Variants in SCN1A observed in about 807,000 individuals in gnomAD.
The protein encoded by SCN1A is sodium voltage-gated channel alpha subunit 1.
In SCN1A, 13 loss-of-function variants were observed where a neutral mutation model predicts 193.7. The observed-to-expected ratio is 0.07, with a 90% confidence interval of 0.04 to 0.11. SCN1A has a LOEUF of 0.11. Among genes scored for constraint, SCN1A ranks in the 10% least tolerant of loss-of-function variants. SCN1A has a pLI of 1.00. For synonymous variants in SCN1A, 781 were observed against 843.6 expected, an observed-to-expected ratio of 0.93 and a Z score of 1.29; for missense variants, 1,432 against 2,451.1, an observed-to-expected ratio of 0.58 and a Z score of 8.78.
At position 166,009,747 on chromosome 2, in the gene SCN1A, C is replaced by T; in HGVS notation, c.3974G>A (p.Arg1325Lys). 1.2e-6 allele frequency: 2 copies of T among 1,606,642 alleles called. No individual in the cohort carries two copies. Among genetic ancestry groups the T allele is most frequent in the Non-Finnish European group, 8.5e-7 (1 of 1,174,872 alleles). ...LRTLRALRPLRALSRFEGMRV... is the reference protein window; with the variant it reads ...LRTLRALRPLKALSRFEGMRV... ...CATCCCTTCAAATCGAGATAAGGCTCTTAGAGGTCTCAGAGCTCTTAGTGT... is the reference window on the plus strand; with the variant it reads ...CATCCCTTCAAATCGAGATAAGGCTTTTAGAGGTCTCAGAGCTCTTAGTGT... Residue 1325 changes from arginine to lysine, a missense_variant, in exon 23 of 29, where the codon AGA becomes AAA. By Grantham distance (26) the Arg-to-Lys change is conservative (BLOSUM62 2). Coordinates refer to ENST00000674923, the MANE Select transcript of SCN1A (RefSeq NM_001165963.4).
intron 2 of SCN1A, among the ~76,000 whole-genome samples, chr2:166,107,565 C>T (rs1406651369): frequency 2.6e-5 from 4 of 151,526 alleles, no homozygotes; most frequent in Non-Finnish European, 5.9e-5. Context: ...TGATCACATA[C>T]TTTTCTTAAT....
At chr2:166,058,816 C>T in intron 4 of SCN1A, 128 bp from the exon 5 acceptor site, 1 of 655,636 alleles carries the variant, frequency 1.5e-6, no homozygotes, top group Non-Finnish European at 2.8e-6. Context: ...ATCACAATTT[C>T]TAAAGTGCCC....
intron 1 of SCN1A, among the ~76,000 whole-genome samples, chr2:166,144,851 T>C (rs1692239333): frequency 1.1e-5 from 1 of 94,224 alleles, no homozygotes; most frequent in South Asian, 3.7e-4. Context: ...GAAAGGATCA[T>C]GGTTTTTTTT....
intron 2 of SCN1A, among the ~76,000 whole-genome samples, chr2:166,082,194 T>C (rs1229681223): frequency 6.6e-6 from 1 of 151,888 alleles, no homozygotes; most frequent in East Asian, 1.9e-4. Flanking sequence ...TCTCATTTAA[T>C]AGAAAACAAA....
intron 4 of SCN1A, among the ~76,000 whole-genome samples, chr2:166,071,005 G>T (rs367665241): frequency 2.0e-5 from 3 of 152,150 alleles, no homozygotes; most frequent in African/African-American, 7.2e-5. Flanking sequence ...GTGTCTGGGG[G>T]TAGCAAAAGG....
chr2:166,080,701 A>G (rs190141934), intron 2 of SCN1A, among the ~76,000 whole-genome samples: 1 of 152,002 alleles, frequency 6.6e-6, no homozygotes, highest in Admixed American at 6.6e-5. Flanking sequence ...GATTGTAAGA[A>G]AATGAAGTGG....
chr2:166,091,772 C>T (rs1686831471), intron 2 of SCN1A, among the ~76,000 whole-genome samples: 1 of 152,206 alleles, frequency 6.6e-6, no homozygotes, highest in South Asian at 2.1e-4. Context: ...CTTAATGTTT[C>T]TTTCCCCACG....
At chr2:166,086,736 A>G (rs1039679080) in intron 2 of SCN1A, among the ~76,000 whole-genome samples, 1 of 152,152 alleles carries the variant, frequency 6.6e-6, no homozygotes, top group African/African-American at 2.4e-5. Context: ...ATAAACGTCT[A>G]CTTAAGTTTG....
At chr2:166,044,912 G>T in intron 13 of SCN1A, 131 bp downstream of exon 13, 1 of 967,364 alleles carries the variant, frequency 1.0e-6, no homozygotes, top group Non-Finnish European at 1.6e-6. Flanking sequence ...GTGAAGAAGG[G>T]ATGGGTTTAA....
intron 19 of SCN1A, among the ~76,000 whole-genome samples, chr2:166,017,202 C>A (rs1232016248): frequency 6.6e-6 from 1 of 151,558 alleles, no homozygotes; most frequent in East Asian, 1.9e-4. Flanking sequence ...ATTAAATAGG[C>A]CTGCATACTA....
intron 13 of SCN1A, among the ~76,000 whole-genome samples, chr2:166,044,820 C>G (rs1559219344): frequency 5.9e-5 from 9 of 152,090 alleles, no homozygotes. Flanking sequence ...GTCCAGTTCT[C>G]CTGACTGTCA....
At chr2:166,112,789 A>G (rs900526949) in intron 2 of SCN1A, among the ~76,000 whole-genome samples, 1 of 152,144 alleles carries the variant, frequency 6.6e-6, no homozygotes, top group Non-Finnish European at 1.5e-5. Context: ...CACTAGAAAG[A>G]CCTGCATCTG....
chr2:165,991,962 G>A lies in SCN1A; in HGVS notation c.5313C>T (p.Ile1771=), dbSNP rs1559102902. 1.2e-6 allele frequency: 2 copies of A among 1,613,900 alleles called. No homozygotes were observed. The highest frequency in any genetic ancestry group is 1.7e-4 in the Middle Eastern group (1 of 6,060). The change falls in exon 29 of 29, where the codon ATC becomes ATT. Residue 1771 remains isoleucine (I), a synonymous_variant. Transcript: ENST00000674923. The stretch of plus-strand genomic sequence containing the variant: ...TGTTCACCACAACCAGGAAGGATAT[G>A]ATGATGTAACTGACAAAAAAGAAAA... ...VGIFFFVSYI[I]ISFLVVVNMY... is the part of the protein sequence containing the mutation.
intron 14 of SCN1A, among the ~76,000 whole-genome samples, chr2:166,043,010 T>C (rs1553544169): frequency 6.6e-6 from 1 of 152,204 alleles, no homozygotes; most frequent in Non-Finnish European, 1.5e-5. Context: ...CATGCTGATA[T>C]ATTTCCAAGT....
chr2:166,028,665 T>A (rs16851370), intron 19 of SCN1A, among the ~76,000 whole-genome samples: 3,977 of 152,310 alleles, frequency 0.026, 184 homozygotes, highest in African/African-American at 0.09. Flanking sequence ...TGGCGTATGC[T>A]TATTTGATAA....
chr2:166,052,314 G>T (rs1233081194), intron 8 of SCN1A, among the ~76,000 whole-genome samples: 2 of 151,598 alleles, frequency 1.3e-5, no homozygotes, highest in African/African-American at 4.8e-5. Context: ...TTTTCATTAG[G>T]GTCAGAGGTC....
chr2:166,054,795 A>G, intron 6 of SCN1A, 29 bp from the exon 7 acceptor site: 2 of 1,604,354 alleles, frequency 1.2e-6, no homozygotes, highest in South Asian at 1.1e-5. Context: ...AAAATTTGAT[A>G]AAGTAACAGT....
chr2:166,025,712 C>A (rs6730344), intron 19 of SCN1A, among the ~76,000 whole-genome samples: 45,613 of 151,890 alleles, frequency 0.3, 7,879 homozygotes, highest in Non-Finnish European at 0.4. Context: ...ACCTGTTATA[C>A]CAATATTGTC....
At chr2:166,086,453 G>T (rs1212785958) in intron 2 of SCN1A, among the ~76,000 whole-genome samples, 1 of 152,150 alleles carries the variant, frequency 6.6e-6, no homozygotes, top group Non-Finnish European at 1.5e-5. Flanking sequence ...CCACAAAGGG[G>T]CATGAAGCTC....
Sources: gnomAD v4.1 joint callset for allele counts (sites outside exome capture counted in the v4.1 genomes callset) on GRCh38, gnomAD v4.1.1 for gene constraint, MANE v1.5 for transcripts, NCBI Gene and HGNC (gene_info 2026-07-23, HGNC 2026-07-21) for gene names.